ADGRL3: variants seen among roughly 807,000 people sequenced by gnomAD.
ADGRL3 encodes the protein calcium-independent alpha-latrotoxin receptor 3.
ADGRL3 carries 62 observed loss-of-function variants against 153.5 expected under a neutral mutation model. The ratio of observed to expected loss-of-function variants is 0.40; its 90% CI spans 0.33 to 0.50. ADGRL3 has a LOEUF of 0.50. Among genes scored for constraint, ADGRL3 ranks in the 20% least tolerant of loss-of-function variants. The pLI is 0.47. For synonymous variants in ADGRL3, 710 were observed against 672.5 expected (o/e 1.06, Z -0.86); for missense variants, 1,641 against 1,859.4 (o/e 0.88, Z 2.16).
chr4:61,277,730 T>G (rs2093534972), intron 1 of ADGRL3, among the ~76,000 whole-genome samples: 1 of 152,210 alleles, frequency 6.6e-6, no homozygotes, highest in Non-Finnish European at 1.5e-5. Flanking sequence ...AATAGGATAA[T>G]GATATCTATC....
chr4:62,075,017 G>A lies in ADGRL3; in HGVS notation c.*4109G>A, dbSNP rs930785414. 16 of 152,028 alleles carry A rather than the reference G, an allele frequency of 1.1e-4. No individual in the cohort carries two copies. The highest frequency in any genetic ancestry group is 7.9e-4 in the Admixed American group (12 of 15,258). 9.4% of individuals were successfully genotyped at this position (152,028 alleles called of 1,614,324 possible). ...TTTAAGGAATGACATTAAAAATTTC[G>A]ACTGACTTTCTACATTACTGTAAAG... On this transcript the variant is annotated 3_prime_UTR_variant, in exon 27 of 27. Transcript: ENST00000683033.
chr4:61,599,273 G>A lies in ADGRL3; in HGVS notation c.473+11833G>A, dbSNP rs537210490. ...CCTCTCAGATCATTCATTCCTTCTG[G>A]GTATGAGGCAGGACCCTCTCTGGAA... On this transcript the variant is annotated intron_variant, in intron 5 of 26. Transcript: ENST00000683033. Among the ~76,000 whole-genome samples the A allele has an allele frequency of 3.3e-4, 50 of 152,236 alleles. No homozygotes were observed. In the South Asian group the frequency reaches 0.01, roughly 31 times the overall value.
intron 1 of ADGRL3, among the ~76,000 whole-genome samples, chr4:61,211,311 C>A (rs536067177): frequency 4.7e-4 from 72 of 152,208 alleles, no homozygotes; most frequent in Middle Eastern, 3.4e-3. Context: ...AGTTCCATGC[C>A]CCTACCCAGC....
At chr4:61,784,850 G>T (rs920552408) in intron 8 of ADGRL3, among the ~76,000 whole-genome samples, 1 of 152,068 alleles carries the variant, frequency 6.6e-6, no homozygotes, top group Non-Finnish European at 1.5e-5. Context: ...CTAATTGCCT[G>T]GGTTCAAAAA....
At chr4:61,647,619 C>T (rs1430791410) in intron 5 of ADGRL3, among the ~76,000 whole-genome samples, 1 of 152,046 alleles carries the variant, frequency 6.6e-6, no homozygotes, top group East Asian at 1.9e-4. Context: ...AAATAAAATT[C>T]TGCATAAGAG....
At chr4:61,278,871 A>G (rs975563758) in intron 1 of ADGRL3, among the ~76,000 whole-genome samples, 1 of 152,212 alleles carries the variant, frequency 6.6e-6, no homozygotes, top group Non-Finnish European at 1.5e-5. Flanking sequence ...GCACATATAC[A>G]AAAAGGAACA....
intron 9 of ADGRL3, among the ~76,000 whole-genome samples, chr4:61,879,080 G>C (rs574991589): frequency 4.1e-4 from 62 of 152,218 alleles, no homozygotes; most frequent in African/African-American, 1.5e-3. Flanking sequence ...AAGAGAATTT[G>C]AAGAAATATT....
chr4:61,546,032 C>A (rs936175906), intron 4 of ADGRL3, among the ~76,000 whole-genome samples: 1 of 152,228 alleles, frequency 6.6e-6, no homozygotes, highest in African/African-American at 2.4e-5. Context: ...CATCCTCATT[C>A]TTGTCTAAGC....
intron 2 of ADGRL3, among the ~76,000 whole-genome samples, chr4:61,400,048 T>C (rs188806815): frequency 6.6e-6 from 1 of 151,908 alleles, no homozygotes; most frequent in Non-Finnish European, 1.5e-5. Flanking sequence ...CAAGAGAGCA[T>C]ATATTTCCTT....
intron 13 of ADGRL3, among the ~76,000 whole-genome samples, chr4:61,927,792 T>G: frequency 6.6e-6 from 1 of 152,198 alleles, no homozygotes; most frequent in Admixed American, 6.5e-5. Flanking sequence ...TGCTTCATTT[T>G]ACTTTATTTT....
At chr4:61,721,369 A>C (rs1054495518) in intron 6 of ADGRL3, among the ~76,000 whole-genome samples, 1 of 152,160 alleles carries the variant, frequency 6.6e-6, no homozygotes, top group African/African-American at 2.4e-5. Context: ...ATGTAAGCCC[A>C]AGGGTCCAAA....
At chr4:61,633,108 A>T (rs970218445) in intron 5 of ADGRL3, among the ~76,000 whole-genome samples, 2 of 152,102 alleles carry the variant, frequency 1.3e-5, no homozygotes, top group Non-Finnish European at 2.9e-5. Context: ...AGAGAAAGTC[A>T]ATTGCATTGT....
At chr4:61,686,800 A>G (rs981155971) in intron 6 of ADGRL3, among the ~76,000 whole-genome samples, 1 of 150,700 alleles carries the variant, frequency 6.6e-6, no homozygotes, top group Non-Finnish European at 1.5e-5. Flanking sequence ...CTCATTCCTC[A>G]CTCCTCCCCA....
intron 13 of ADGRL3, among the ~76,000 whole-genome samples, chr4:61,916,343 C>T (rs968474781): frequency 2.6e-5 from 4 of 152,186 alleles, no homozygotes; most frequent in African/African-American, 9.6e-5. Flanking sequence ...AAACATATTA[C>T]TTCCATATCT....
intron 1 of ADGRL3, among the ~76,000 whole-genome samples, chr4:61,348,356 GA>G: frequency 6.6e-6 from 1 of 151,894 alleles, no homozygotes; most frequent in East Asian, 1.9e-4. Context: ...CTTTATTTAA[GA>G]AAAAAATCAC....
At chr4:61,800,629 A>T (rs183686599) in intron 8 of ADGRL3, among the ~76,000 whole-genome samples, 21 of 152,328 alleles carry the variant, frequency 1.4e-4, no homozygotes, top group African/African-American at 4.6e-4. Flanking sequence ...TCCTAGAATT[A>T]TTCTAGAAAA....
chr4:61,281,917 G>T (rs1055444927), intron 1 of ADGRL3, among the ~76,000 whole-genome samples: 1 of 152,036 alleles, frequency 6.6e-6, no homozygotes, highest in South Asian at 2.1e-4. Flanking sequence ...TCACCAATGT[G>T]AATATACCTT....
intron 9 of ADGRL3, among the ~76,000 whole-genome samples, chr4:61,843,743 G>A (rs1157230423): frequency 6.6e-6 from 1 of 152,156 alleles, no homozygotes; most frequent in Non-Finnish European, 1.5e-5. Flanking sequence ...CAGGTGTGGT[G>A]CTTCGTGCCT....
At chr4:61,950,911 T>G (rs982848448) in intron 17 of ADGRL3, among the ~76,000 whole-genome samples, 12 of 152,248 alleles carry the variant, frequency 7.9e-5, no homozygotes, top group African/African-American at 2.7e-4. Context: ...CTGAATGCTT[T>G]CTTTCCTGTC....
Sources: allele counts gnomAD v4.1 joint callset (sites outside exome capture counted in the v4.1 genomes callset), GRCh38; gene constraint gnomAD v4.1.1; transcripts MANE v1.5; gene names NCBI Gene and HGNC (gene_info 2026-07-23, HGNC 2026-07-21).